The following PATJ variants were observed in gnomAD, a reference collection of about 807,000 sequenced individuals.
The protein encoded by PATJ is PATJ crumbs cell polarity complex component.
Under a neutral mutation model 224.9 loss-of-function variants are expected in PATJ, and 190 were observed. The observed-to-expected ratio is 0.84, with a 90% CI of 0.75 to 0.95. The LOEUF (loss-of-function observed/expected upper bound fraction) is 0.95, where lower values mean the gene tolerates loss of function less well. Ranked by LOEUF, PATJ falls within the 40% of genes least tolerant of loss-of-function variation. PATJ has a pLI of 0.00. For synonymous variants in PATJ, 769 were observed against 820.3 expected, an observed-to-expected ratio of 0.94 and a Z score of 1.07; for missense variants, 2,121 against 2,270.3, an observed-to-expected ratio of 0.93 and a Z score of 1.34.
chr1:62,002,174 G>A (rs971262991), intron 28 of PATJ, among the ~76,000 whole-genome samples: 2 of 152,116 alleles, frequency 1.3e-5, no homozygotes, highest in African/African-American at 4.8e-5. Flanking sequence ...GGGATCAGGA[G>A]GCTTGAGCTT....
At chr1:61,805,066 T>C (rs1653254833) in intron 12 of PATJ, among the ~76,000 whole-genome samples, 1 of 152,228 alleles carries the variant, frequency 6.6e-6, no homozygotes, top group Non-Finnish European at 1.5e-5. Context: ...AACATTTAAA[T>C]TAAATCCTTC....
At chr1:61,943,473 GC>G (rs1330705666) in intron 27 of PATJ, among the ~76,000 whole-genome samples, 2 of 152,122 alleles carry the variant, frequency 1.3e-5, no homozygotes, top group Non-Finnish European at 2.9e-5. Context: ...AGGGTCCCAC[GC>G]CCACGGTCGC....
intron 31 of PATJ, among the ~76,000 whole-genome samples, chr1:62,062,997 A>G (rs917714524): frequency 1.3e-5 from 2 of 152,204 alleles, no homozygotes; most frequent in African/African-American, 4.8e-5. Context: ...TGCTATGCAG[A>G]AACTCTTTAA....
At chr1:61,838,702 C>G (rs917627947) in intron 17 of PATJ, among the ~76,000 whole-genome samples, 2 of 152,006 alleles carry the variant, frequency 1.3e-5, no homozygotes, top group South Asian at 4.2e-4. Context: ...CAACAAAACT[C>G]TTCAGAAACT....
intron 41 of PATJ, among the ~76,000 whole-genome samples, chr1:62,136,082 C>T (rs1248061347): frequency 8.3e-6 from 1 of 120,098 alleles, no homozygotes; most frequent in African/African-American, 3.2e-5. Flanking sequence ...GACTGGAATG[C>T]AATGGTGCAA....
chr1:62,030,123 G>GA (rs1648929387), intron 29 of PATJ, among the ~76,000 whole-genome samples: 1 of 152,196 alleles, frequency 6.6e-6, no homozygotes. Flanking sequence ...GGGATTAAAA[G>GA]AAAAAAGAAG....
chr1:61,996,741 CTTT>C (rs56215259), intron 28 of PATJ, among the ~76,000 whole-genome samples: 6 of 97,726 alleles, frequency 6.1e-5, no homozygotes, highest in East Asian at 5.8e-4. Flanking sequence ...CTTTTCTTTT[CTTT>C]TTTTTTTTTT....
intron 11 of PATJ, among the ~76,000 whole-genome samples, chr1:61,798,741 A>T (rs1651852735): frequency 6.7e-6 from 1 of 149,614 alleles, no homozygotes; most frequent in African/African-American, 2.4e-5. Flanking sequence ...AAAATTAAAC[A>T]TTAGCCGGGC....
chr1:62,027,811 G>A (rs916505748), intron 29 of PATJ, among the ~76,000 whole-genome samples: 2 of 151,270 alleles, frequency 1.3e-5, no homozygotes, highest in Admixed American at 6.6e-5. Context: ...CAAGTCCCTT[G>A]CCCATTTTTT....
At chr1:61,865,621 A>T (rs1665297601) in intron 20 of PATJ, 1 of 152,210 alleles carries the variant, frequency 6.6e-6, no homozygotes, top group Non-Finnish European at 1.5e-5. Context: ...ATTATAGTCA[A>T]GCAGTCACTA....
chr1:61,794,361 C>T (rs988716192), intron 9 of PATJ, among the ~76,000 whole-genome samples: 1 of 151,448 alleles, frequency 6.6e-6, no homozygotes, highest in African/African-American at 2.4e-5. Flanking sequence ...CCCAGGCTGG[C>T]CTCAAAGTCC....
intron 28 of PATJ, among the ~76,000 whole-genome samples, chr1:61,992,287 T>G (rs1216777888): frequency 1.3e-5 from 2 of 152,024 alleles, no homozygotes; most frequent in Non-Finnish European, 1.5e-5. Flanking sequence ...CCAGCTAATA[T>G]TTGTATTTTT....
intron 42 of PATJ, among the ~76,000 whole-genome samples, chr1:62,149,599 C>T (rs1668417125): frequency 7.2e-6 from 1 of 138,324 alleles, no homozygotes; most frequent in Non-Finnish European, 1.5e-5. Flanking sequence ...ATTACGGTGG[C>T]CTTTTCCTTA....
intron 42 of PATJ, among the ~76,000 whole-genome samples, chr1:62,149,128 C>CAAAA (rs773276557): frequency 1.2e-4 from 7 of 60,436 alleles, no homozygotes; most frequent in African/African-American, 4.0e-4. Context: ...AACTCCATCT[C>CAAAA]AAAAAAAAAA....
At chr1:62,083,492 A>G (rs1309716921) in intron 32 of PATJ, among the ~76,000 whole-genome samples, 1 of 151,972 alleles carries the variant, frequency 6.6e-6, no homozygotes, top group Non-Finnish European at 1.5e-5. Context: ...TATGCTGGAT[A>G]AACAGGTGTT....
At chr1:62,073,999 CT>C (rs1487926707) in intron 31 of PATJ, among the ~76,000 whole-genome samples, 1 of 151,764 alleles carries the variant, frequency 6.6e-6, no homozygotes, top group Non-Finnish European at 1.5e-5. Flanking sequence ...TTTTTCCTTG[CT>C]TTTTTTAACT....
At chr1:61,798,750 G>T (rs1444166885) in intron 11 of PATJ, among the ~76,000 whole-genome samples, 1 of 149,666 alleles carries the variant, frequency 6.7e-6, no homozygotes, top group Non-Finnish European at 1.5e-5. Context: ...CATTAGCCGG[G>T]CCTGGTGGCA....
At chr1:62,113,339 T>G (rs1664077844) in intron 34 of PATJ, among the ~76,000 whole-genome samples, 2 of 152,092 alleles carry the variant, frequency 1.3e-5, no homozygotes, top group African/African-American at 4.8e-5. Context: ...TGTGAGCAAA[T>G]AAGAGTGAAG....
chr1:61,855,784 T>C (rs1291137055), intron 17 of PATJ, among the ~76,000 whole-genome samples: 1 of 152,134 alleles, frequency 6.6e-6, no homozygotes, highest in East Asian at 1.9e-4. Flanking sequence ...AATCTCAAAC[T>C]CTTGAGCTCA....
Sources: gnomAD v4.1 joint callset for allele counts (sites outside exome capture counted in the v4.1 genomes callset) on GRCh38, gnomAD v4.1.1 for gene constraint, MANE v1.5 for transcripts, NCBI Gene and HGNC (gene_info 2026-07-23, HGNC 2026-07-21) for gene names.